Variants in SLC16A7 observed in about 807,000 individuals in gnomAD.
The protein encoded by SLC16A7 is monocarboxylate transporter 2.
Under a neutral mutation model 34.9 loss-of-function variants are expected in SLC16A7, and 33 were observed. The observed-to-expected ratio is 0.94, with a 90% CI of 0.72 to 1.26. The LOEUF is 1.26. SLC16A7 is among the 50% of genes most tolerant of loss of function. SLC16A7 has a pLI of 0.00. For synonymous variants in SLC16A7, 201 were observed against 206.6 expected, an observed-to-expected ratio of 0.97 and a Z score of 0.23; for missense variants, 573 against 578.1, an observed-to-expected ratio of 0.99 and a Z score of 0.09.
chr12:59,625,099 A>G (rs1250467079), intron 1 of SLC16A7, among the ~76,000 whole-genome samples: 1 of 151,734 alleles, frequency 6.6e-6, no homozygotes, highest in Admixed American at 6.6e-5. Context: ...GATGCTTTCA[A>G]TGGAAGGATT....
At chr12:59,646,446 A>C (rs546325841) in intron 1 of SLC16A7, among the ~76,000 whole-genome samples, 1 of 152,254 alleles carries the variant, frequency 6.6e-6, no homozygotes, top group East Asian at 1.9e-4. Context: ...AGGTGCATAG[A>C]AGGTAAGATT....
At chr12:59,634,818 G>C (rs1262854249) in intron 1 of SLC16A7, among the ~76,000 whole-genome samples, 2 of 152,018 alleles carry the variant, frequency 1.3e-5, no homozygotes, top group Non-Finnish European at 2.9e-5. Flanking sequence ...TCTACAGTGG[G>C]TGATAGGAAA....
intron 3 of SLC16A7, among the ~76,000 whole-genome samples, chr12:59,729,131 A>C (rs1876634312): frequency 6.6e-6 from 1 of 152,212 alleles, no homozygotes; most frequent in African/African-American, 2.4e-5. Context: ...TATTAATCAT[A>C]TTTATGTGTG....
At chr12:59,753,943 T>C (rs138450463) in intron 3 of SLC16A7, among the ~76,000 whole-genome samples, 2 of 152,208 alleles carry the variant, frequency 1.3e-5, no homozygotes, top group Non-Finnish European at 2.9e-5. Context: ...GAACTCAGGA[T>C]TAAGAAACTC....
Position 59,785,469 on chromosome 12 carries a change from A to G in SLC16A7, c.*5790A>G, listed in dbSNP as rs1433396423. 1 of 152,164 alleles carries G rather than the reference A, an allele frequency of 6.6e-6. No homozygotes were observed. The highest frequency in any genetic ancestry group is 1.5e-5 in the Non-Finnish European group (1 of 68,024). The allele number at this position is 152,164 out of a possible 1,614,324, so 9.4% of individuals were successfully genotyped here. A position where few individuals can be genotyped will look rare whatever the true frequency, so the allele number is the denominator to read the frequency against. ...TTTGATTTTACAGAAGCATATGGGA[A>G]TTTAGATCAAATTACATCTCCCATC... On this transcript the variant is annotated 3_prime_UTR_variant, in exon 6 of 6. Transcript: ENST00000547379.
intron 3 of SLC16A7, among the ~76,000 whole-genome samples, chr12:59,753,495 A>T (rs561687249): frequency 6.6e-6 from 1 of 152,316 alleles, no homozygotes; most frequent in South Asian, 2.1e-4. Flanking sequence ...AACAAAGATC[A>T]AAAGAGACAA....
chr12:59,720,633 T>C (rs1354547586), intron 3 of SLC16A7, among the ~76,000 whole-genome samples: 1 of 152,002 alleles, frequency 6.6e-6, no homozygotes, highest in Non-Finnish European at 1.5e-5. Context: ...TCCAATCTCC[T>C]CCCCACTCCT....
chr12:59,779,892 T>C lies in SLC16A7; in HGVS notation c.*213T>C. 2.1e-6 allele frequency: 1 copy of C among 465,484 alleles called. No individual in the cohort carries two copies. Among genetic ancestry groups the C allele is most frequent in the South Asian group, 2.6e-5 (1 of 38,160 alleles). 28.8% of individuals were successfully genotyped at this position (465,484 alleles called of 1,614,324 possible). A position where few individuals can be genotyped will look rare whatever the true frequency, so the allele number is the denominator to read the frequency against. ...ATTTTGAGATTATGCATAGAAAGAA[T>C]CCATGCTATAGGTTTATTTCCATAC... On this transcript the variant is annotated 3_prime_UTR_variant, in exon 6 of 6. Coordinates refer to ENST00000547379, the MANE Select transcript of SLC16A7 (RefSeq NM_001270623.2).
At chr12:59,724,467 A>C (rs12826963) in intron 3 of SLC16A7, among the ~76,000 whole-genome samples, 11 of 151,982 alleles carry the variant, frequency 7.2e-5, no homozygotes, top group Admixed American at 6.6e-4. Flanking sequence ...GTATTACTTC[A>C]AAGTAAAAAC....
At chr12:59,666,955 C>G (rs757544258) in intron 2 of SLC16A7, among the ~76,000 whole-genome samples, 4 of 152,006 alleles carry the variant, frequency 2.6e-5, no homozygotes, top group African/African-American at 4.8e-5. Context: ...ATTCCAGAGA[C>G]TGGGAAGAAA....
intron 3 of SLC16A7, among the ~76,000 whole-genome samples, chr12:59,766,047 T>A (rs375094904): frequency 2.6e-5 from 4 of 152,250 alleles, no homozygotes; most frequent in South Asian, 2.1e-4. Flanking sequence ...GAGGTCCTTC[T>A]CATCCCTTGT....
At chr12:59,716,074 C>T (rs1409158424) in intron 3 of SLC16A7, among the ~76,000 whole-genome samples, 1 of 152,110 alleles carries the variant, frequency 6.6e-6, no homozygotes, top group Non-Finnish European at 1.5e-5. Context: ...AAGTGTAAAG[C>T]TTTGGAAAGC....
rs1882608262 is a variant in SLC16A7 at position 59,775,048 on chromosome 12, G to A, written c.753G>A (p.Leu251=). ...LFKHRGFLIY[L]SGNVIMFLGF... ...AGCATAGAGGATTTCTGATATATCT[G>A]TCTGGAAATGTCATTATGTTCCTAG... The change falls in exon 5 of 6, where the codon CTG becomes CTA. Residue 251 remains leucine (L), a synonymous_variant. Transcript: ENST00000547379. The A allele has an allele frequency of 6.2e-7, 1 of 1,614,070 alleles. No individual in the cohort carries two copies. The highest frequency in any genetic ancestry group is 2.2e-5 in the East Asian group (1 of 44,880).
At chr12:59,625,168 T>G (rs550456755) in intron 1 of SLC16A7, among the ~76,000 whole-genome samples, 1 of 151,748 alleles carries the variant, frequency 6.6e-6, no homozygotes, top group Non-Finnish European at 1.5e-5. Flanking sequence ...ACTCAGAAAT[T>G]TGAAATATGG....
chr12:59,709,771 T>A (rs1046360365), intron 3 of SLC16A7, among the ~76,000 whole-genome samples: 2 of 151,760 alleles, frequency 1.3e-5, no homozygotes, highest in African/African-American at 4.9e-5. Flanking sequence ...AAGCTTTCTA[T>A]GAAATATGGT....
chr12:59,775,423 A>T lies in SLC16A7; in HGVS notation c.1128A>T (p.Gly376=), dbSNP rs774437259. 1.2e-6 allele frequency: 2 copies of T among 1,614,056 alleles called. No homozygotes were observed. The highest frequency in any genetic ancestry group is 1.7e-6 in the Non-Finnish European group (2 of 1,179,960). Residue 376 remains glycine (G), a synonymous_variant, in exon 5 of 6, where the codon GGA becomes GGT. Coordinates refer to ENST00000547379, the MANE Select transcript of SLC16A7 (RefSeq NM_001270623.2). The part of the protein sequence containing the change: ...VGAPRFSSAV[G]LVTIVECGPV... The stretch of plus-strand genomic sequence containing the variant: ...CACCAAGATTTTCCAGTGCCGTCGG[A>T]CTTGTCACAATTGTGGAGTGTGGCC...
intron 3 of SLC16A7, among the ~76,000 whole-genome samples, chr12:59,747,449 T>G (rs991727571): frequency 1.3e-5 from 2 of 152,200 alleles, no homozygotes; most frequent in African/African-American, 4.8e-5. Flanking sequence ...AATTAATTGT[T>G]TTTAACTCTT....
At chr12:59,730,362 A>G (rs1306203812) in intron 3 of SLC16A7, among the ~76,000 whole-genome samples, 1 of 148,776 alleles carries the variant, frequency 6.7e-6, no homozygotes, top group East Asian at 1.9e-4. Flanking sequence ...AAAAAAAAAA[A>G]CAGACAACAC....
At chr12:59,698,950 A>T (rs189366766) in intron 2 of SLC16A7, among the ~76,000 whole-genome samples, 1 of 151,878 alleles carries the variant, frequency 6.6e-6, no homozygotes, top group East Asian at 1.9e-4. Flanking sequence ...ATTTTGATAT[A>T]ACTTAAAATT....
Sources: allele counts gnomAD v4.1 joint callset (sites outside exome capture counted in the v4.1 genomes callset), GRCh38; gene constraint gnomAD v4.1.1; transcripts MANE v1.5; gene names NCBI Gene and HGNC (gene_info 2026-07-23, HGNC 2026-07-21).